The following B4GALNT3 variants were observed in gnomAD, a reference collection of about 807,000 sequenced individuals.
The protein encoded by B4GALNT3 is beta-1,4-N-acetyl-galactosaminyltransferase 3, also known as beta-1,4-N-acetylgalactosaminyltransferase 3.
A neutral mutation model predicts 120.2 loss-of-function variants in B4GALNT3; 86 were observed. The observed-to-expected ratio is 0.72, with a 90% CI of 0.60 to 0.86. The LOEUF (loss-of-function observed/expected upper bound fraction) is 0.86. Ranked by LOEUF, B4GALNT3 falls within the 40% of genes least tolerant of loss-of-function variation. The pLI, the probability that B4GALNT3 is intolerant of heterozygous loss-of-function variation, is 0.00. For missense variants in B4GALNT3, 1,167 were observed against 1,298.9 expected, an observed-to-expected ratio of 0.90 and a Z score of 1.56; for synonymous variants, 518 against 510.4, an observed-to-expected ratio of 1.01 and a Z score of -0.20.
intron 1 of B4GALNT3, among the ~76,000 whole-genome samples, chr12:492,334 G>A (rs1052441319): frequency 2.0e-5 from 3 of 152,134 alleles, no homozygotes; most frequent in African/African-American, 7.2e-5. Context: ...TGAACAAGTG[G>A]AATTTGAAAT....
chr12:540,198 C>G (rs543694070), intron 3 of B4GALNT3, among the ~76,000 whole-genome samples: 1 of 152,236 alleles, frequency 6.6e-6, no homozygotes, highest in Admixed American at 6.5e-5. Context: ...TGCCTGCCTT[C>G]GTGCGCCTCT....
chr12:512,178 C>CACCTTCCACCTTCCACCTTCCGCCTTCT (rs1946583058), intron 1 of B4GALNT3, among the ~76,000 whole-genome samples: 2 of 61,044 alleles, frequency 3.3e-5, no homozygotes, highest in African/African-American at 2.7e-4. Context: ...TTCCGCCTTC[C>CACCTTCCACCTTCCACCTTCCGCCTTCT]GCCTTCCACC....
chr12:464,147 A>G (rs533261290), intron 1 of B4GALNT3, among the ~76,000 whole-genome samples: 2 of 152,340 alleles, frequency 1.3e-5, no homozygotes, highest in East Asian at 3.9e-4. Context: ...CAGCCACTGT[A>G]CTAACACATG....
At chr12:552,818 G>C in intron 13 of B4GALNT3, 2 of 507,020 alleles carry the variant, frequency 3.9e-6, no homozygotes, top group Non-Finnish European at 7.0e-6. Flanking sequence ...TGTCCCTGGC[G>C]CACCATTTGG....
At chr12:492,653 T>C (rs1841329778) in intron 1 of B4GALNT3, among the ~76,000 whole-genome samples, 1 of 152,098 alleles carries the variant, frequency 6.6e-6, no homozygotes, top group South Asian at 2.1e-4. Flanking sequence ...ACCCAGAAAG[T>C]CAAGTCAGTG....
chr12:532,065 C>T (rs149366111), intron 1 of B4GALNT3, among the ~76,000 whole-genome samples: 5 of 152,292 alleles, frequency 3.3e-5, no homozygotes, highest in African/African-American at 1.2e-4. Context: ...CTTGGCCTCC[C>T]AAAGTCCTGG....
intron 1 of B4GALNT3, among the ~76,000 whole-genome samples, chr12:531,074 T>C (rs1016105900): frequency 6.6e-6 from 1 of 152,132 alleles, no homozygotes; most frequent in Non-Finnish European, 1.5e-5. Flanking sequence ...ATGTCAGTAG[T>C]TAAATCAGCA....
Position 553,374 on chromosome 12 carries a change from A to G in B4GALNT3, c.1451A>G (p.Glu484Gly). The stretch of plus-strand genomic sequence containing the variant: ...CGGAAACTCCTGGCTCAGCCCCGGG[A>G]GGGCCTGCTGGCCCCCTTCTCCAAG... The part of the protein sequence containing the change: ...SLRKLLAQPR[E>G]GLLAPFSKRN... The change falls in exon 14 of 20, where the codon GAG becomes GGG. Residue 484 changes from glutamate (E) to glycine (G), a missense_variant. Coordinates refer to ENST00000266383, the MANE Select transcript of B4GALNT3 (RefSeq NM_173593.4). The G allele has an allele frequency of 6.2e-7, 1 of 1,613,826 alleles. No individual in the cohort carries two copies. The highest frequency in any genetic ancestry group is 2.2e-5 in the East Asian group (1 of 44,884).
chr12:557,757 C>A lies in B4GALNT3; in HGVS notation c.2530C>A (p.Arg844=). Residue 844 remains arginine (R), a synonymous_variant, in exon 16 of 20, where the codon CGG becomes AGG. Coordinates refer to ENST00000266383, the MANE Select transcript of B4GALNT3 (RefSeq NM_173593.4). The part of the protein sequence containing the change: ...VEMALKRSKL[R]SYQYVKLSGN... Reference sequence around the variant, plus strand: ...GATGGCACTGAAGAGGTCCAAGCTGCGGAGGTGAGGGGGACCACCAGCCAG... The same window carrying A: ...GATGGCACTGAAGAGGTCCAAGCTGAGGAGGTGAGGGGGACCACCAGCCAG... 2 of 1,600,390 alleles carry A rather than the reference C, an allele frequency of 1.2e-6. No homozygotes were observed. The highest frequency in any genetic ancestry group is 1.3e-5 in the African/African-American group (1 of 74,142).
chr12:491,172 T>C (rs1946336803), intron 1 of B4GALNT3, among the ~76,000 whole-genome samples: 1 of 152,186 alleles, frequency 6.6e-6, no homozygotes, highest in Non-Finnish European at 1.5e-5. Flanking sequence ...AAAAAGATTA[T>C]ACATCATGGC....
Position 538,256 on chromosome 12 carries a change from T to G in B4GALNT3, c.351+1961T>G, listed in dbSNP as rs77642851. ...TGAAACAAAAACAGTGAACAAATAGTAAACAGTGATCAAAATTGGGCTGGG... is the reference window on the plus strand; with the variant it reads ...TGAAACAAAAACAGTGAACAAATAGGAAACAGTGATCAAAATTGGGCTGGG... On this transcript the variant is annotated intron_variant, in intron 3 of 19. Coordinates refer to ENST00000266383, the MANE Select transcript of B4GALNT3 (RefSeq NM_173593.4). Among the ~76,000 whole-genome samples the G allele has an allele frequency of 6.5e-3, 996 of 152,184 alleles. 2 individuals carry two copies. The highest frequency in any genetic ancestry group is 0.017 in the Middle Eastern group (5 of 294).
At position 550,891 on chromosome 12, in the gene B4GALNT3, A is replaced by T. The variant is rs1359224083; in HGVS notation, c.998-31A>T. ...CAGCCCCAGTTTCGTGCTCACCCTC[A>T]CCCTCACTCCTCCTCCTCCACTGTC... On this transcript the variant is annotated intron_variant, in intron 10 of 19. Coordinates refer to ENST00000266383, the MANE Select transcript of B4GALNT3 (RefSeq NM_173593.4). The surrounding 1 kb of genome is among the most constrained non-coding windows in gnomAD (Gnocchi z 4.1). 2 of 1,547,122 alleles carry T rather than the reference A, an allele frequency of 1.3e-6. No individual in the cohort carries two copies. Among genetic ancestry groups the T allele is most frequent in the African/African-American group, 2.7e-5 (2 of 73,394 alleles).
chr12:512,168 TTCCG>T, intron 1 of B4GALNT3, among the ~76,000 whole-genome samples: 1 of 79,876 alleles, frequency 1.3e-5, no homozygotes, highest in African/African-American at 8.2e-5. Flanking sequence ...GCCTTCCACC[TTCCG>T]CCTTCCGCCT....
intron 1 of B4GALNT3, among the ~76,000 whole-genome samples, chr12:512,487 C>T (rs1266108916): frequency 8.1e-5 from 11 of 136,212 alleles, no homozygotes; most frequent in Middle Eastern, 6.3e-3. Flanking sequence ...TTCCACCTTC[C>T]GCCTTCCACC....
intron 1 of B4GALNT3, among the ~76,000 whole-genome samples, chr12:518,624 C>T (rs767348847): frequency 2.7e-4 from 41 of 152,048 alleles, no homozygotes; most frequent in Non-Finnish European, 4.7e-4. Flanking sequence ...GTCTCCAACT[C>T]CTGGGCTCTA....
intron 1 of B4GALNT3, among the ~76,000 whole-genome samples, chr12:522,995 A>G (rs1946726837): frequency 6.7e-6 from 1 of 150,332 alleles, no homozygotes; most frequent in African/African-American, 2.4e-5. Flanking sequence ...TGTTATAGGT[A>G]TTTTACTAAA....
intron 1 of B4GALNT3, among the ~76,000 whole-genome samples, chr12:465,932 G>T (rs1265602881): frequency 1.4e-5 from 2 of 147,714 alleles, no homozygotes; most frequent in Non-Finnish European, 3.0e-5. Flanking sequence ...TGGTCCTGGG[G>T]CTGCCTGCCA....
chr12:519,383 C>A (rs575370632), intron 1 of B4GALNT3, among the ~76,000 whole-genome samples: 1 of 152,268 alleles, frequency 6.6e-6, no homozygotes, highest in African/African-American at 2.4e-5. Flanking sequence ...TTCTCTGTGC[C>A]TCAGTTGTCT....
chr12:519,861 C>T (rs1251227125), intron 1 of B4GALNT3, among the ~76,000 whole-genome samples: 2 of 152,228 alleles, frequency 1.3e-5, no homozygotes, highest in East Asian at 3.8e-4. Flanking sequence ...CTCAACAGCG[C>T]TCGCCATAAC....
Sources: allele counts gnomAD v4.1 joint callset (sites outside exome capture counted in the v4.1 genomes callset), GRCh38; gene constraint gnomAD v4.1.1; non-coding constraint Gnocchi (gnomAD v3.1); transcripts MANE v1.5; gene names NCBI Gene and HGNC (gene_info 2026-07-23, HGNC 2026-07-21).